Variants in NLGN1 observed in about 807,000 individuals in gnomAD.
NLGN1 encodes the protein neuroligin 1.
A neutral mutation model predicts 65.5 loss-of-function variants in NLGN1; 12 were observed. That is an observed-to-expected ratio of 0.18 (90% CI 0.12 to 0.30). NLGN1 has a LOEUF of 0.30. Among genes scored for constraint, NLGN1 ranks in the 10% least tolerant of loss-of-function variants. NLGN1 has a pLI of 1.00. For synonymous variants in NLGN1, 350 were observed against 359.5 expected (o/e 0.97, Z 0.30); for missense variants, 750 against 1,007.1 (o/e 0.74, Z 3.46).
At chr3:173,924,322 G>T (rs546965255) in intron 4 of NLGN1, among the ~76,000 whole-genome samples, 1 of 151,880 alleles carries the variant, frequency 6.6e-6, no homozygotes, top group South Asian at 2.1e-4. Flanking sequence ...TCTCTCAAAC[G>T]TGAAAAATGT....
exon 7 of NLGN1, chr3:174,282,347 G>T (rs1164915602): frequency 6.6e-6 from 1 of 152,118 alleles, no homozygotes; most frequent in East Asian, 1.9e-4. Context: ...AGTCTTTCAT[G>T]ATATGAGGAT....
intron 4 of NLGN1, among the ~76,000 whole-genome samples, chr3:174,017,561 T>A (rs1726844803): frequency 6.6e-6 from 1 of 152,142 alleles, no homozygotes; most frequent in Admixed American, 6.6e-5. Context: ...ACGTAGGTTC[T>A]TTTCGATTTC....
chr3:173,850,844 C>A (rs1726791717), intron 4 of NLGN1, among the ~76,000 whole-genome samples: 1 of 152,066 alleles, frequency 6.6e-6, no homozygotes, highest in Admixed American at 6.6e-5. Flanking sequence ...CTCAAGTATC[C>A]TCCCACCTCA....
At chr3:173,909,024 C>T (rs1483794952) in intron 4 of NLGN1, among the ~76,000 whole-genome samples, 2 of 152,074 alleles carry the variant, frequency 1.3e-5, no homozygotes, top group Non-Finnish European at 2.9e-5. Flanking sequence ...TCCCTCTCTA[C>T]CAGTGAGGTG....
chr3:173,624,155 A>G (rs1754459400), intron 3 of NLGN1, among the ~76,000 whole-genome samples: 3 of 152,056 alleles, frequency 2.0e-5, no homozygotes, highest in Admixed American at 6.6e-5. Context: ...AGTCATTTTT[A>G]TCGCTTTGGG....
intron 3 of NLGN1, among the ~76,000 whole-genome samples, chr3:173,691,429 A>G (rs939950603): frequency 1.8e-4 from 27 of 152,134 alleles, no homozygotes; most frequent in Non-Finnish European, 1.8e-4. Flanking sequence ...TTTCTAAAAT[A>G]CAGTTTTGTT....
At chr3:173,938,088 A>G (rs192223639) in intron 4 of NLGN1, among the ~76,000 whole-genome samples, 2 of 152,306 alleles carry the variant, frequency 1.3e-5, no homozygotes, top group East Asian at 3.9e-4. Flanking sequence ...TACAAAGATG[A>G]TTAAAAGAGG....
At chr3:174,060,794 G>A (rs1179656746) in intron 4 of NLGN1, among the ~76,000 whole-genome samples, 5 of 152,054 alleles carry the variant, frequency 3.3e-5, no homozygotes, top group African/African-American at 4.8e-5. Context: ...GCTAACATCA[G>A]TGTTGTGAGT....
chr3:173,530,821 G>A (rs1335454668), intron 2 of NLGN1, among the ~76,000 whole-genome samples: 1 of 151,652 alleles, frequency 6.6e-6, no homozygotes, highest in African/African-American at 2.4e-5. Context: ...TTTTTCTTTT[G>A]TCATTTAGTT....
At chr3:174,293,651 A>G in the NLGN1 span, among the ~76,000 whole-genome samples, 3 of 151,722 alleles carry the variant, frequency 2.0e-5, no homozygotes, top group Non-Finnish European at 4.4e-5. Flanking sequence ...CAAACAAAAT[A>G]TAAGTTCACT....
intron 4 of NLGN1, among the ~76,000 whole-genome samples, chr3:174,030,468 T>G (rs1197038967): frequency 6.6e-6 from 1 of 152,180 alleles, no homozygotes; most frequent in Non-Finnish European, 1.5e-5. Flanking sequence ...CAAGACTCAG[T>G]ATCTTGCCCA....
chr3:174,138,580 C>T (rs551146152), intron 4 of NLGN1, among the ~76,000 whole-genome samples: 3 of 151,556 alleles, frequency 2.0e-5, no homozygotes, highest in Non-Finnish European at 4.4e-5. Flanking sequence ...GACGACAGGC[C>T]CCCGCCACCA....
At chr3:173,547,112 A>C (rs1026765662) in intron 2 of NLGN1, among the ~76,000 whole-genome samples, 1 of 152,170 alleles carries the variant, frequency 6.6e-6, no homozygotes, top group African/African-American at 2.4e-5. Flanking sequence ...GGGACTCGAA[A>C]GACTTGCATT....
chr3:174,183,938 A>G (rs1364531294), intron 4 of NLGN1, among the ~76,000 whole-genome samples: 3 of 152,174 alleles, frequency 2.0e-5, no homozygotes, highest in Admixed American at 6.6e-5. Context: ...CTTACGGACA[A>G]TGTATGTGAA....
chr3:173,549,164 T>C (rs1170099107), intron 2 of NLGN1, among the ~76,000 whole-genome samples: 1 of 151,880 alleles, frequency 6.6e-6, no homozygotes, highest in Non-Finnish European at 1.5e-5. Flanking sequence ...TTGTAACTAT[T>C]CCCTTTTCAC....
At chr3:173,503,316 G>A (rs1210805855) in intron 2 of NLGN1, among the ~76,000 whole-genome samples, 2 of 152,046 alleles carry the variant, frequency 1.3e-5, no homozygotes, top group African/African-American at 4.8e-5. Context: ...GCAAAGCAGT[G>A]TGGGAACCTC....
At chr3:174,101,455 G>A (rs937593393) in intron 4 of NLGN1, among the ~76,000 whole-genome samples, 6 of 152,244 alleles carry the variant, frequency 3.9e-5, no homozygotes, top group African/African-American at 9.6e-5. Context: ...CTGAAGTTTC[G>A]TTTTACTGTT....
intron 2 of NLGN1, among the ~76,000 whole-genome samples, chr3:173,576,924 A>C (rs1177726349): frequency 6.6e-6 from 1 of 152,186 alleles, no homozygotes; most frequent in Admixed American, 6.5e-5. Flanking sequence ...CGAAACGGTA[A>C]TACCAAAAAA....
chr3:174,127,295 A>G (rs1207166164), intron 4 of NLGN1, among the ~76,000 whole-genome samples: 2 of 152,080 alleles, frequency 1.3e-5, no homozygotes, highest in Admixed American at 1.3e-4. Flanking sequence ...TTCAACCTTT[A>G]CTAGTAGAGT....
Sources: gnomAD v4.1 joint callset for allele counts (sites outside exome capture counted in the v4.1 genomes callset) on GRCh38, gnomAD v4.1.1 for gene constraint, MANE v1.5 for transcripts, NCBI Gene and HGNC (gene_info 2026-07-23, HGNC 2026-07-21) for gene names.